Variants in SEC22B observed in about 807,000 individuals in gnomAD.
SEC22B encodes the protein vesicle-trafficking protein SEC22b.
Under a neutral mutation model 31.4 loss-of-function variants are expected in SEC22B, and 10 were observed. That is an observed-to-expected ratio of 0.32 (90% confidence interval 0.20 to 0.54). The LOEUF is 0.54. SEC22B is among the 20% of genes least tolerant of loss of function. The probability of loss-of-function intolerance (pLI) is 0.94; values close to 1 mark genes in which losing one functional copy is unlikely to be tolerated. For synonymous variants in SEC22B, 60 were observed against 95.9 expected (o/e 0.63, Z 2.19); for missense variants, 130 against 263.4 (o/e 0.49, Z 3.50).
chr1:120,167,975 C>A (rs1657839734), intron 2 of SEC22B, among the ~76,000 whole-genome samples: 1 of 151,920 alleles, frequency 6.6e-6, no homozygotes, highest in East Asian at 1.9e-4. Flanking sequence ...TAATGTCCAA[C>A]ATTTTCTTAG....
chr1:120,176,366 T>C lies in SEC22B; in HGVS notation c.16A>G (p.Met6Val), dbSNP rs1553230212. Reference sequence around the variant, plus strand: ...AGCCCGTCCGCCACTCGGGCGATCATTGTTAGCAACACCATCTTCACAAAC... The same window carrying C: ...AGCCCGTCCGCCACTCGGGCGATCACTGTTAGCAACACCATCTTCACAAAC... MVLLT[M>V]IARVADGLPL... The change falls in exon 1 of 5, where the codon ATG becomes GTG. Residue 6 changes from methionine (M) to valine (V), a missense_variant. Coordinates refer to ENST00000578049, the MANE Select transcript of SEC22B (RefSeq NM_004892.6). 3.1e-6 allele frequency: 5 copies of C among 1,613,702 alleles called. No homozygotes were observed. Among genetic ancestry groups the C allele is most frequent in the Non-Finnish European group, 4.2e-6 (5 of 1,179,874 alleles).
rs1446000904 is a variant in SEC22B, at chr1:120,154,163, T to C, written c.*2875A>G. ...ATTACTTCTGCCTGTATGATTAAGT[T>C]CCTCATTGTTAAATTCGAAAATACA... On this transcript the variant is annotated 3_prime_UTR_variant, in exon 5 of 5. Transcript: ENST00000578049. 5.9e-5 allele frequency: 9 copies of C among 152,180 alleles called. No homozygotes were observed. The highest frequency in any genetic ancestry group is 5.9e-4 in the Admixed American group (9 of 15,278). The allele number at this position is 152,180 out of a possible 1,614,324, so 9.4% of individuals were successfully genotyped here.
intron 2 of SEC22B, among the ~76,000 whole-genome samples, chr1:120,165,498 A>G (rs2101129809): frequency 6.6e-6 from 1 of 152,292 alleles, no homozygotes; most frequent in Non-Finnish European, 1.5e-5. Flanking sequence ...ACATACACAC[A>G]CATGCAAATA....
Position 120,151,576 on chromosome 1 carries a change from G to C in SEC22B, c.*5462C>G, listed in dbSNP as rs1308533390. Reference sequence around the variant, plus strand: ...AGCTACTCAGTAGGCTGAGGCAGGAGAATCACTTGAACCCGGGAGGTGGAG... The same window carrying C: ...AGCTACTCAGTAGGCTGAGGCAGGACAATCACTTGAACCCGGGAGGTGGAG... On this transcript the variant is annotated 3_prime_UTR_variant, in exon 5 of 5. Coordinates refer to ENST00000578049, the MANE Select transcript of SEC22B (RefSeq NM_004892.6). The C allele has an allele frequency of 1.3e-5, 2 of 151,798 alleles. No homozygotes were observed. The highest frequency in any genetic ancestry group is 2.9e-5 in the Non-Finnish European group (2 of 67,996). The allele number at this position is 151,798 out of a possible 1,614,324, so 9.4% of individuals were successfully genotyped here.
At position 120,176,464 on chromosome 1, in the gene SEC22B, C is replaced by T; in HGVS notation, c.-83G>A. 1.6e-6 allele frequency: 2 copies of T among 1,232,522 alleles called. No individual in the cohort carries two copies. Among genetic ancestry groups the T allele is most frequent in the East Asian group, 2.5e-5 (1 of 39,914 alleles). The allele number at this position is 1,232,522 out of a possible 1,614,324, so 76.3% of individuals were successfully genotyped here. A position where few individuals can be genotyped will look rare whatever the true frequency, so the allele number is the denominator to read the frequency against. On this transcript the variant is annotated 5_prime_UTR_variant, in exon 1 of 5. Transcript: ENST00000578049. ...TTCCTCCGCCGCGACAACAGTTATA[C>T]CCTATGTCTCAGTTACCGGAGATCC...
At chr1:120,159,211 T>G (rs1657676504) in intron 4 of SEC22B, 1 of 150,690 alleles carries the variant, frequency 6.6e-6, no homozygotes. Context: ...GTGGATTGCT[T>G]GAGCCCTGGA....
At chr1:120,157,663 CTCTTA>C in intron 4 of SEC22B, 1 of 138,126 alleles carries the variant, frequency 7.2e-6, no homozygotes. Flanking sequence ...GAATCATATT[CTCTTA>C]TATTTTGAAA....
chr1:120,170,955 T>G (rs1657886505), intron 1 of SEC22B, among the ~76,000 whole-genome samples: 1 of 122,176 alleles, frequency 8.2e-6, no homozygotes, highest in African/African-American at 5.1e-5. Flanking sequence ...TTTAATAAAA[T>G]TAATTTATTA....
intron 1 of SEC22B, among the ~76,000 whole-genome samples, chr1:120,169,228 T>C (rs1319573046): frequency 2.0e-5 from 3 of 152,220 alleles, no homozygotes; most frequent in Admixed American, 6.5e-5. Flanking sequence ...TTTCCACTAT[T>C]AGGACAGTAC....
chr1:120,157,543 TTG>T (rs1657648384), intron 4 of SEC22B: 1 of 160,790 alleles, frequency 6.2e-6, no homozygotes, highest in East Asian at 1.7e-4. Context: ...TGTCATAAAG[TTG>T]TATGTACATG....
At chr1:120,167,758 GGAT>G (rs1657834967) in intron 2 of SEC22B, among the ~76,000 whole-genome samples, 2 of 152,154 alleles carry the variant, frequency 1.3e-5, no homozygotes, top group South Asian at 4.1e-4. Flanking sequence ...TGGAAATAAA[GGAT>G]GATATGAGAT....
At chr1:120,176,183 T>G in intron 1 of SEC22B, 124 bp downstream of exon 1, 1 of 804,878 alleles carries the variant, frequency 1.2e-6, no homozygotes, top group Non-Finnish European at 2.0e-6. Context: ...AAAAGCGCAC[T>G]TCAGAGAGGT....
intron 2 of SEC22B, among the ~76,000 whole-genome samples, chr1:120,165,642 T>C (rs1657792810): frequency 1.3e-5 from 2 of 152,046 alleles, no homozygotes; most frequent in Admixed American, 6.6e-5. Context: ...TTGTGCAAGT[T>C]GTCTCTTCAC....
chr1:120,156,985 T>C lies in SEC22B; in HGVS notation c.*53A>G. 1 of 680,526 alleles carries C rather than the reference T, an allele frequency of 1.5e-6. No homozygotes were observed. The highest frequency in any genetic ancestry group is 3.2e-5 in the Admixed American group (1 of 31,068). 42.2% of individuals were successfully genotyped at this position (680,526 alleles called of 1,614,324 possible). On this transcript the variant is annotated 3_prime_UTR_variant, in exon 5 of 5. Transcript: ENST00000578049. ...CTCTGTGAGCTCAGTTTCCTGAAAA[T>C]ATACACCTACTGGGTTCTAGGTTCT...
intron 2 of SEC22B, among the ~76,000 whole-genome samples, chr1:120,164,127 T>C (rs1228920146): frequency 6.8e-6 from 1 of 148,046 alleles, no homozygotes; most frequent in East Asian, 2.0e-4. Flanking sequence ...ACCCAGCTAA[T>C]TTTTGTATTT....
At chr1:120,166,617 G>A (rs1454535291) in intron 2 of SEC22B, among the ~76,000 whole-genome samples, 1 of 146,730 alleles carries the variant, frequency 6.8e-6, no homozygotes, top group Non-Finnish European at 1.5e-5. Flanking sequence ...TAGAATTGTG[G>A]GTATTAGAAG....
rs587731064 is a variant in SEC22B, at chr1:120,151,448, C to A, written c.*5590G>T. 6.6e-6 allele frequency: 1 copy of A among 152,088 alleles called. No individual in the cohort carries two copies. The highest frequency in any genetic ancestry group is 1.5e-5 in the Non-Finnish European group (1 of 68,040). The allele number at this position is 152,088 out of a possible 1,614,324, so 9.4% of individuals were successfully genotyped here. A position where few individuals can be genotyped will look rare whatever the true frequency, so the allele number is the denominator to read the frequency against. The stretch of plus-strand genomic sequence containing the variant: ...CTGTAATCCCAGCACTTTGGGAGGC[C>A]GAGGAGGGTGGATCATGAGGTCAGG... On this transcript the variant is annotated 3_prime_UTR_variant, in exon 5 of 5. Transcript: ENST00000578049.
chr1:120,163,625 G>C (rs1272934129), intron 2 of SEC22B, among the ~76,000 whole-genome samples: 2 of 150,154 alleles, frequency 1.3e-5, no homozygotes, highest in Non-Finnish European at 2.9e-5. Context: ...CCCTGGGCTG[G>C]AGTGCAGTGG....
In SEC22B at chr1:120,155,738, CAAT is replaced by C. The variant is rs1351787606; in HGVS notation, c.*1297_*1299del. The C allele has an allele frequency of 2.0e-5, 3 of 151,796 alleles. No individual in the cohort carries two copies. Among genetic ancestry groups the C allele is most frequent in the African/African-American group, 7.3e-5 (3 of 41,322 alleles). The allele number at this position is 151,796 out of a possible 1,614,324, so 9.4% of individuals were successfully genotyped here. On this transcript the variant is annotated 3_prime_UTR_variant, in exon 5 of 5. Coordinates refer to ENST00000578049, the MANE Select transcript of SEC22B (RefSeq NM_004892.6). ...TTTTAAGTTATATTGCAGACCCTGG[CAAT>C]AATATTTAAAAGGCCTATTTTCCCC...
Sources: allele counts gnomAD v4.1 joint callset (sites outside exome capture counted in the v4.1 genomes callset), GRCh38; gene constraint gnomAD v4.1.1; transcripts MANE v1.5; gene names NCBI Gene and HGNC (gene_info 2026-07-23, HGNC 2026-07-21).